ELOA2: variants seen among roughly 807,000 people sequenced by gnomAD.
The protein encoded by ELOA2 is elongin-A2.
For missense variants in ELOA2, 1,271 were observed against 979.7 expected, an observed-to-expected ratio of 1.30 and a Z score of -3.97; for synonymous variants, 497 against 398.8, an observed-to-expected ratio of 1.25 and a Z score of -2.94.
In ELOA2 at chr18:47,032,783, T is replaced by A; in HGVS notation, c.*220A>T. The A allele has an allele frequency of 1.3e-6, 1 of 779,516 alleles. No individual in the cohort carries two copies. 48.3% of individuals were successfully genotyped at this position (779,516 alleles called of 1,614,324 possible). A position where few individuals can be genotyped will look rare whatever the true frequency, so the allele number is the denominator to read the frequency against. On this transcript the variant is annotated 3_prime_UTR_variant, in exon 1 of 1. Transcript: ENST00000332567. ...AATAGAATTGTTCCCAATGCGTTCA[T>A]ATCTTCTGAATTCTGAGGTGTTCTC...
rs762560180 is a variant in ELOA2 at position 47,033,832 on chromosome 18, G to A, written c.1433C>T (p.Ser478Leu). ...CTGGGAGGTCATGGAGTCAGAATCCGAAAGCGGATCGTAGTTGGCCTGCAT... is the reference window on the plus strand; with the variant it reads ...CTGGGAGGTCATGGAGTCAGAATCCAAAAGCGGATCGTAGTTGGCCTGCAT... Reference protein sequence around the residue: ...AWMQANYDPLSDSDSMTSQAK... With the variant: ...AWMQANYDPLLDSDSMTSQAK... The change falls in exon 1 of 1, where the codon TCG becomes TTG. Residue 478 changes from serine to leucine, a missense_variant. By Grantham distance (145) the Ser-to-Leu change is moderately radical (BLOSUM62 -2). Transcript: ENST00000332567. 2 of 1,614,038 alleles carry A rather than the reference G, an allele frequency of 1.2e-6. No homozygotes were observed. Among genetic ancestry groups the A allele is most frequent in the African/African-American group, 1.3e-5 (1 of 74,938 alleles).
In ELOA2 at chr18:47,035,598, C is replaced by A; in HGVS notation, c.-334G>T. 1.9e-6 allele frequency: 1 copy of A among 524,992 alleles called. No individual in the cohort carries two copies. Among genetic ancestry groups the A allele is most frequent in the Non-Finnish European group, 3.5e-6 (1 of 283,720 alleles). 32.5% of individuals were successfully genotyped at this position (524,992 alleles called of 1,614,324 possible). On this transcript the variant is annotated 5_prime_UTR_variant, in exon 1 of 1. Coordinates refer to ENST00000332567, the MANE Select transcript of ELOA2 (RefSeq NM_016427.3). Reference sequence around the variant, plus strand: ...ATGTAGCCCATCCCAGGCTGACACTCACGGCTCTAGCCCTGACCCTCTTAG... The same window carrying A: ...ATGTAGCCCATCCCAGGCTGACACTAACGGCTCTAGCCCTGACCCTCTTAG...
Position 47,033,656 on chromosome 18 carries a change from G to T in ELOA2, c.1609C>A (p.Leu537Ile). 6.2e-7 allele frequency: 1 copy of T among 1,614,222 alleles called. No homozygotes were observed. Among genetic ancestry groups the T allele is most frequent in the Non-Finnish European group, 8.5e-7 (1 of 1,180,044 alleles). Reference sequence around the variant, plus strand: ...CTGAGGGCGTCCGGATTGTTTCTAAGCACCTGGGCACACTGCTGGCGCAGC... The same window carrying T: ...CTGAGGGCGTCCGGATTGTTTCTAATCACCTGGGCACACTGCTGGCGCAGC... Reference protein sequence around the residue: ...PTLRQQCAQVLRNNPDALSDV... With the variant: ...PTLRQQCAQVIRNNPDALSDV... Residue 537 changes from leucine to isoleucine, a missense_variant, in exon 1 of 1, where the codon CTT (leucine) becomes ATT (isoleucine). By Grantham distance (5) the Leu-to-Ile change is conservative. Coordinates refer to ENST00000332567, the MANE Select transcript of ELOA2 (RefSeq NM_016427.3).
Position 47,032,975 on chromosome 18 carries a change from G to T in ELOA2, c.*28C>A. 6.2e-7 allele frequency: 1 copy of T among 1,613,750 alleles called. No individual in the cohort carries two copies. The highest frequency in any genetic ancestry group is 8.5e-7 in the Non-Finnish European group (1 of 1,180,028). On this transcript the variant is annotated 3_prime_UTR_variant, in exon 1 of 1. Transcript: ENST00000332567. ...CTTTGCCAATGCAAAAATCCCCCCAGATTTTATCTGCAAGGCAAGTCCTGA... is the reference window on the plus strand; with the variant it reads ...CTTTGCCAATGCAAAAATCCCCCCATATTTTATCTGCAAGGCAAGTCCTGA...
Position 47,034,689 on chromosome 18 carries a change from T to A in ELOA2, c.576A>T (p.Gln192His), listed in dbSNP as rs769594320. ...EGPEPAAPGK[Q>H]PGRGHTHAAQ... ...CCGCGTGAGTGTGGCCTCTTCCGGG[T>A]TGCTTCCCGGGCGCAGCGGGCTCAG... Residue 192 changes from glutamine (Q) to histidine (H), a missense_variant, in exon 1 of 1, where the codon CAA (glutamine) becomes CAT (histidine). Physicochemically the swap from Gln to His is conservative, Grantham distance 24. Coordinates refer to ENST00000332567, the MANE Select transcript of ELOA2 (RefSeq NM_016427.3). The A allele has an allele frequency of 1.2e-6, 2 of 1,613,076 alleles. No individual in the cohort carries two copies.
At position 47,032,620 on chromosome 18, in the gene ELOA2, G is replaced by C. The variant is rs2060524613; in HGVS notation, c.*383C>G. ...TCGGAGTTATCAGTGTCAACTAATG[G>C]CTTGTGTGTTTTTGTCTAAGAAGTT... On this transcript the variant is annotated 3_prime_UTR_variant, in exon 1 of 1. Coordinates refer to ENST00000332567, the MANE Select transcript of ELOA2 (RefSeq NM_016427.3). 1 of 300,108 alleles carries C rather than the reference G, an allele frequency of 3.3e-6. No individual in the cohort carries two copies. The highest frequency in any genetic ancestry group is 6.2e-6 in the Non-Finnish European group (1 of 160,352). 18.6% of individuals were successfully genotyped at this position (300,108 alleles called of 1,614,324 possible).
Position 47,034,121 on chromosome 18 carries a change from A to G in ELOA2, c.1144T>C (p.Ser382Pro), listed in dbSNP as rs201080530. 228 of 1,614,062 alleles carry G rather than the reference A, an allele frequency of 1.4e-4. No homozygotes were observed. The highest frequency in any genetic ancestry group is 1.9e-4 in the Non-Finnish European group (219 of 1,180,044). ...MAEEFEQPTL[S>P]CEKYLTYDQL... The stretch of plus-strand genomic sequence containing the variant: ...TCGTAGGTGAGGTATTTTTCACATG[A>G]CAGAGTGGGCTGCTCGAATTCCTCA... The change falls in exon 1 of 1, where the codon TCA (serine) becomes CCA (proline). Residue 382 changes from serine (S) to proline (P), a missense_variant. Ser to Pro is a moderately conservative substitution (Grantham distance 74). Transcript: ENST00000332567.
chr18:47,033,007 C>G lies in ELOA2; in HGVS notation c.2258G>C (p.Arg753Pro). 1 of 1,614,104 alleles carries G rather than the reference C, an allele frequency of 6.2e-7. No individual in the cohort carries two copies. The highest frequency in any genetic ancestry group is 8.5e-7 in the Non-Finnish European group (1 of 1,180,046). The change falls in exon 1 of 1, where the codon CGA (arginine) becomes CCA (proline). Residue 753 changes from arginine (R) to proline (P), a missense_variant. By Grantham distance (103) the Arg-to-Pro change is moderately radical. Coordinates refer to ENST00000332567, the MANE Select transcript of ELOA2 (RefSeq NM_016427.3). Reference protein sequence around the residue: ...IRDYKRRFSRR With the variant: ...IRDYKRRFSRP ...TCTGCAAGGCAAGTCCTGAGTTTAT[C>G]GTCGGGAGAATCTTCTCTTGTAGTC...
chr18:47,033,728 G>A lies in ELOA2; in HGVS notation c.1537C>T (p.Pro513Ser), dbSNP rs745739051. Residue 513 changes from proline (P) to serine (S), a missense_variant, in exon 1 of 1, where the codon CCG becomes TCG. Transcript: ENST00000332567. The stretch of plus-strand genomic sequence containing the variant: ...GCAGGCCTGGAGCCCGAGTACACCG[G>A]CATCTTAGCATTCACTCTGCGTCCA... ...FPGRRVNAKMPVYSGSRPACQ... is the reference protein window; with the variant it reads ...FPGRRVNAKMSVYSGSRPACQ... 6 of 1,614,064 alleles carry A rather than the reference G, an allele frequency of 3.7e-6. No individual in the cohort carries two copies. In the African/African-American group the frequency reaches 6.7e-5, roughly 18 times the overall value.
chr18:47,033,414 C>T lies in ELOA2; in HGVS notation c.1851G>A (p.Gln617=). The T allele has an allele frequency of 6.2e-7, 1 of 1,613,492 alleles. No homozygotes were observed. The highest frequency in any genetic ancestry group is 8.5e-7 in the Non-Finnish European group (1 of 1,180,040). Residue 617 remains glutamine (Q), a synonymous_variant, in exon 1 of 1, where the codon CAG becomes CAA. Coordinates refer to ENST00000332567, the MANE Select transcript of ELOA2 (RefSeq NM_016427.3). ...TATTCGTTGTCATTACTCTCAGCCGCTGCTCTGGGGCGTCCGGAAGCCGCA... is the reference window on the plus strand; with the variant it reads ...TATTCGTTGTCATTACTCTCAGCCGTTGCTCTGGGGCGTCCGGAAGCCGCA... ...QYLRLPDAPE[Q]RLRVMTTNIR... is the part of the protein sequence containing the mutation.
rs746916831 is a variant in ELOA2, at chr18:47,033,638, C to A, written c.1627G>T (p.Ala543Ser). The A allele has an allele frequency of 1.2e-6, 2 of 1,614,202 alleles. No individual in the cohort carries two copies. The highest frequency in any genetic ancestry group is 2.7e-5 in the African/African-American group (2 of 75,050). The change falls in exon 1 of 1, where the codon GCC (alanine) becomes TCC (serine). Residue 543 changes from alanine (A) to serine (S), a missense_variant. Ala to Ser is a moderately conservative substitution (Grantham distance 99). Transcript: ENST00000332567. The stretch of plus-strand genomic sequence containing the variant: ...GGGACCTCTCCCACGTCGCTGAGGG[C>A]GTCCGGATTGTTTCTAAGCACCTGG... ...CAQVLRNNPDALSDVGEVPYW... is the reference protein window; with the variant it reads ...CAQVLRNNPDSLSDVGEVPYW...
At chr18:47,034,847 G>A in the ELOA2 span, 2 of 1,612,034 alleles carry the variant, frequency 1.2e-6, no homozygotes, top group African/African-American at 2.7e-5. Flanking sequence ...TGAGGTCTCT[G>A]TTGCCCCGGA....
chr18:47,035,496 T>A lies in ELOA2; in HGVS notation c.-232A>T. The A allele has an allele frequency of 1.2e-6, 1 of 859,914 alleles. No homozygotes were observed. The highest frequency in any genetic ancestry group is 1.8e-6 in the Non-Finnish European group (1 of 560,916). 53.3% of individuals were successfully genotyped at this position (859,914 alleles called of 1,614,324 possible). ...AGGCCCGCTTTTGTTCCTCGGGATG[T>A]GGAGCCACAGCCTGGAGTGACCTCT... is the stretch of plus-strand genomic sequence containing the variant. On this transcript the variant is annotated 5_prime_UTR_variant, in exon 1 of 1. Coordinates refer to ENST00000332567, the MANE Select transcript of ELOA2 (RefSeq NM_016427.3).
rs749400801 is a variant in ELOA2, at chr18:47,035,298, C to A, written c.-34G>T. ...AGCTGTGCAGGCGTCGCTGTCCCGGCGGTCGCAGCTCTGTCTTTGGGGCTG... is the reference window on the plus strand; with the variant it reads ...AGCTGTGCAGGCGTCGCTGTCCCGGAGGTCGCAGCTCTGTCTTTGGGGCTG... On this transcript the variant is annotated 5_prime_UTR_variant, in exon 1 of 1. Coordinates refer to ENST00000332567, the MANE Select transcript of ELOA2 (RefSeq NM_016427.3). The A allele has an allele frequency of 1.9e-6, 3 of 1,611,606 alleles. No homozygotes were observed. The Admixed American group carries it at 5.0e-5, about 27-fold the overall frequency.
rs2060721187 is a variant in ELOA2, at chr18:47,035,343, T to C, written c.-79A>G. Reference sequence around the variant, plus strand: ...GGGCTGCGGGACAGGAAGTCTGGGGTGGCCGGTCCTCGCTGCCCGGTCGCC... The same window carrying C: ...GGGCTGCGGGACAGGAAGTCTGGGGCGGCCGGTCCTCGCTGCCCGGTCGCC... On this transcript the variant is annotated 5_prime_UTR_variant, in exon 1 of 1. Coordinates refer to ENST00000332567, the MANE Select transcript of ELOA2 (RefSeq NM_016427.3). 6.2e-7 allele frequency: 1 copy of C among 1,601,764 alleles called. No individual in the cohort carries two copies. Among genetic ancestry groups the C allele is most frequent in the Non-Finnish European group, 8.5e-7 (1 of 1,173,502 alleles).
At position 47,034,273 on chromosome 18, in the gene ELOA2, C is replaced by G. The variant is rs745964001; in HGVS notation, c.992G>C (p.Gly331Ala). ...CTGCTCTTTCTCCTCGGGCGACAGG[C>G]CGTGTGTCCCATTTCCTGGGTCCCG... ...DGRDPGNGTH[G>A]LSPEEKEQLS... Residue 331 changes from glycine (G) to alanine (A), a missense_variant, in exon 1 of 1, where the codon GGC becomes GCC. Coordinates refer to ENST00000332567, the MANE Select transcript of ELOA2 (RefSeq NM_016427.3). 6.2e-7 allele frequency: 1 copy of G among 1,613,930 alleles called. No homozygotes were observed. Among genetic ancestry groups the G allele is most frequent in the South Asian group, 1.1e-5 (1 of 91,080 alleles).
In ELOA2 at chr18:47,035,299, G is replaced by T; in HGVS notation, c.-35C>A. On this transcript the variant is annotated 5_prime_UTR_variant, in exon 1 of 1. Coordinates refer to ENST00000332567, the MANE Select transcript of ELOA2 (RefSeq NM_016427.3). ...GCTGTGCAGGCGTCGCTGTCCCGGC[G>T]GTCGCAGCTCTGTCTTTGGGGCTGC... is the stretch of plus-strand genomic sequence containing the variant. 6.2e-7 allele frequency: 1 copy of T among 1,611,702 alleles called. No individual in the cohort carries two copies. Among genetic ancestry groups the T allele is most frequent in the South Asian group, 1.1e-5 (1 of 90,966 alleles).
In ELOA2 at chr18:47,032,971, C is replaced by G; in HGVS notation, c.*32G>C. On this transcript the variant is annotated 3_prime_UTR_variant, in exon 1 of 1. Coordinates refer to ENST00000332567, the MANE Select transcript of ELOA2 (RefSeq NM_016427.3). ...TTGACTTTGCCAATGCAAAAATCCC[C>G]CCAGATTTTATCTGCAAGGCAAGTC... 5.6e-6 allele frequency: 9 copies of G among 1,613,670 alleles called. No homozygotes were observed. The highest frequency in any genetic ancestry group is 7.6e-6 in the Non-Finnish European group (9 of 1,180,018).
chr18:47,035,508 C>G lies in ELOA2; in HGVS notation c.-244G>C. ...GTTCCTCGGGATGTGGAGCCACAGC[C>G]TGGAGTGACCTCTGCAGTTTGCTGT... On this transcript the variant is annotated 5_prime_UTR_variant, in exon 1 of 1. Transcript: ENST00000332567. 1 of 769,878 alleles carries G rather than the reference C, an allele frequency of 1.3e-6. No homozygotes were observed. Among genetic ancestry groups the G allele is most frequent in the African/African-American group, 1.8e-5 (1 of 56,828 alleles). 47.7% of individuals were successfully genotyped at this position (769,878 alleles called of 1,614,324 possible). A position where few individuals can be genotyped will look rare whatever the true frequency, so the allele number is the denominator to read the frequency against.
Sources: allele counts gnomAD v4.1 joint callset, GRCh38; gene constraint gnomAD v4.1.1; transcripts MANE v1.5; gene names NCBI Gene and HGNC (gene_info 2026-07-23, HGNC 2026-07-21).